The following CENPT variants were observed in gnomAD, a reference collection of about 807,000 sequenced individuals.
The protein encoded by CENPT is centromere protein T.
In CENPT, 42 loss-of-function variants were observed where a neutral mutation model predicts 59.7. The observed-to-expected ratio is 0.70, with a 90% confidence interval of 0.55 to 0.91. The LOEUF (loss-of-function observed/expected upper bound fraction) is 0.91. Ranked by LOEUF, CENPT falls within the 40% of genes least tolerant of loss-of-function variation. The pLI is 0.00. For missense variants in CENPT, 716 were observed against 713.4 expected (o/e 1.00, Z -0.04); for synonymous variants, 295 against 289.6 (o/e 1.02, Z -0.19).
rs998451909 is a variant in CENPT at position 67,830,710 on chromosome 16, G to A, written c.704-162C>T. 7 of 661,220 alleles carry A rather than the reference G, an allele frequency of 1.1e-5. No homozygotes were observed. The Admixed American group carries it at 1.9e-4, about 18-fold the overall frequency. The allele number at this position is 661,220 out of a possible 1,614,324, so 41.0% of individuals were successfully genotyped here. On this transcript the variant is annotated intron_variant, in intron 10 of 15. Transcript: ENST00000562787. ...TGAGTGGCCTTCAGAGAAAGAAGAC[G>A]ACCTAGCACGCGAGGCCTTATCGCC...
rs1424844740 is a variant in CENPT at position 67,843,796 on chromosome 16, C to T, written c.-492+3605G>A. ...TCAGAACCACTGAACTTGAAACTTA[C>T]CCTCTAGGGATGCAGGTGGGATGTC... On this transcript the variant is annotated intron_variant, in intron 1 of 15. Transcript: ENST00000562787. This position sits in a 1 kb window ranked among gnomAD's most constrained non-coding sequence, Gnocchi z 5.7. 1.6e-5 allele frequency: 6 copies of T among 377,834 alleles called. No individual in the cohort carries two copies. The highest frequency in any genetic ancestry group is 3.0e-5 in the Non-Finnish European group (6 of 198,046). The allele number at this position is 377,834 out of a possible 1,614,324, so 23.4% of individuals were successfully genotyped here.
At chr16:67,841,672 C>T (rs950841559) in intron 1 of CENPT, 1 of 152,282 alleles carries the variant, frequency 6.6e-6, no homozygotes, top group Non-Finnish European at 1.5e-5. Flanking sequence ...CCCAGTCGGT[C>T]TGACTCCCGC....
chr16:67,830,354 A>G (rs756958493), intron 11 of CENPT, 36 bp downstream of exon 11: 2 of 1,582,872 alleles, frequency 1.3e-6, no homozygotes, highest in Admixed American at 3.7e-5. Flanking sequence ...CACCCAAGCT[A>G]AATTTGGCTC....
At chr16:67,837,701 AAAACAAACAAAC>A (rs78450482) in intron 1 of CENPT, among the ~76,000 whole-genome samples, 9 of 152,072 alleles carry the variant, frequency 5.9e-5, no homozygotes, top group Non-Finnish European at 8.8e-5. Context: ...CTCCGTCTCA[AAAACAAACAAAC>A]AAACAAACAA....
intron 1 of CENPT, among the ~76,000 whole-genome samples, chr16:67,841,259 T>C (rs2151288831): frequency 6.7e-6 from 1 of 149,774 alleles, no homozygotes; most frequent in Admixed American, 6.6e-5. Flanking sequence ...GGAGGTGTAT[T>C]GTTACAATGC....
At chr16:67,840,054 C>T (rs1323372301) in intron 1 of CENPT, among the ~76,000 whole-genome samples, 1 of 152,174 alleles carries the variant, frequency 6.6e-6, no homozygotes, top group Non-Finnish European at 1.5e-5. Context: ...CGGTGGCTCA[C>T]GCCTGTAATC....
At chr16:67,829,254 GC>G in intron 13 of CENPT, 168 bp downstream of exon 13, 1 of 564,962 alleles carries the variant, frequency 1.8e-6, no homozygotes, top group Non-Finnish European at 3.0e-6. Flanking sequence ...GTGGAGGCAG[GC>G]ACCAGGATGG....
intron 7 of CENPT, 45 bp from the exon 8 acceptor site, chr16:67,831,935 C>T (rs760632199): frequency 6.3e-7 from 1 of 1,594,612 alleles, no homozygotes; most frequent in Non-Finnish European, 8.5e-7. Flanking sequence ...AAGTCCAATT[C>T]TGGCTTTTGC....
chr16:67,840,305 G>A (rs1448291594), intron 1 of CENPT, among the ~76,000 whole-genome samples: 1 of 152,122 alleles, frequency 6.6e-6, no homozygotes, highest in Non-Finnish European at 1.5e-5. Context: ...GCAACAGAGC[G>A]AGACTCCGTC....
At chr16:67,832,140 A>T in intron 6 of CENPT, 32 bp from the exon 7 acceptor site, 1 of 1,607,606 alleles carries the variant, frequency 6.2e-7, no homozygotes, top group Non-Finnish European at 8.5e-7. Context: ...GGTGGGGCTG[A>T]CAGAACAGGC....
At position 67,831,330 on chromosome 16, in the gene CENPT, G is replaced by A; in HGVS notation, c.589C>T (p.Leu197Phe). 1 of 1,614,154 alleles carries A rather than the reference G, an allele frequency of 6.2e-7. No individual in the cohort carries two copies. Among genetic ancestry groups the A allele is most frequent in the Non-Finnish European group, 8.5e-7 (1 of 1,179,994 alleles). The part of the protein sequence containing the change: ...RSLNLTFATP[L>F]QPQSVQRPGL... The stretch of plus-strand genomic sequence containing the variant: ...GGCCTCTGCACTGACTGTGGCTGAA[G>A]AGGTGTGGCAAAGGTCAGGTTGAGG... The change falls in exon 10 of 16, where the codon CTT becomes TTT. Residue 197 changes from leucine (L) to phenylalanine (F), a missense_variant. Transcript: ENST00000562787.
intron 10 of CENPT, 163 bp downstream of exon 10, chr16:67,831,053 C>T (rs770914424): frequency 2.6e-5 from 23 of 871,206 alleles, no homozygotes; most frequent in Non-Finnish European, 4.0e-5. Context: ...AAAGAGGCCC[C>T]CTGTAGAAAG....
chr16:67,834,077 C>T lies in CENPT; in HGVS notation c.-218G>A. On this transcript the variant is annotated 5_prime_UTR_variant, in exon 4 of 16. Transcript: ENST00000562787. The stretch of plus-strand genomic sequence containing the variant: ...TAAACCTCGGTTAATGTAATGCAAG[C>T]AGCCCAAGTCTTGGCTTCTTCATCT... 2.2e-6 allele frequency: 1 copy of T among 456,824 alleles called. No homozygotes were observed. 28.3% of individuals were successfully genotyped at this position (456,824 alleles called of 1,614,324 possible).
chr16:67,828,526 G>A lies in CENPT; in HGVS notation c.1510C>T (p.His504Tyr), dbSNP rs1360803304. 1 of 1,614,214 alleles carries A rather than the reference G, an allele frequency of 6.2e-7. No homozygotes were observed. The highest frequency in any genetic ancestry group is 8.5e-7 in the Non-Finnish European group (1 of 1,180,050). The stretch of plus-strand genomic sequence containing the variant: ...GGCTTCACAGTCTTGCGGCCAGCAT[G>A]AGCAGCAAATACCTCCAGATCATCA... ...LCDDLEVFAA[H>Y]AGRKTVKPED... Residue 504 changes from histidine (H) to tyrosine (Y), a missense_variant, in exon 15 of 16, where the codon CAT becomes TAT. Transcript: ENST00000562787.
rs2057735333 is a variant in CENPT, at chr16:67,836,444, T to TC, written c.-491-787_-491-786insG. ...ATATGGAAAAAAACAAACATCTTTT[T>TC]TTTTTTTTTTGAGATGGAGTCTCGC... is the stretch of plus-strand genomic sequence containing the variant. On this transcript the variant is annotated intron_variant, in intron 1 of 15. Transcript: ENST00000562787. Among the ~76,000 whole-genome samples the TC allele has an allele frequency of 1.3e-5, 2 of 151,430 alleles. 1 individual carries two copies. The highest frequency in any genetic ancestry group is 4.2e-4 in the South Asian group (2 of 4,812).
At position 67,831,908 on chromosome 16, in the gene CENPT, A is replaced by G. The variant is rs572614065; in HGVS notation, c.387-18T>C. The G allele has an allele frequency of 6.2e-7, 1 of 1,608,964 alleles. No homozygotes were observed. Among genetic ancestry groups the G allele is most frequent in the African/African-American group, 1.3e-5 (1 of 74,710 alleles). ...GCTCCAGGCTATAAGAATGGAGCTT[A>G]TCTCAGACAGGCCAGGAAGTCCAAT... On this transcript the variant is annotated intron_variant, in intron 7 of 15. Transcript: ENST00000562787.
intron 15 of CENPT, 30 bp downstream of exon 15, chr16:67,828,444 C>T: frequency 6.2e-7 from 1 of 1,613,936 alleles, no homozygotes; most frequent in Non-Finnish European, 8.5e-7. Flanking sequence ...ACTCCCCCAG[C>T]CAGCACCCCC....
chr16:67,832,000 A>C lies in CENPT; in HGVS notation c.386+12T>G. 1.3e-6 allele frequency: 2 copies of C among 1,592,212 alleles called. No individual in the cohort carries two copies. On this transcript the variant is annotated intron_variant, in intron 7 of 15. Coordinates refer to ENST00000562787, the MANE Select transcript of CENPT (RefSeq NM_025082.4). ...CCCATAGCACAATCCAAGGTGGGGG[A>C]GTTCTGTGTACCTGCCGCAACTGCT... is the stretch of plus-strand genomic sequence containing the variant.
intron 1 of CENPT, among the ~76,000 whole-genome samples, chr16:67,844,698 G>A (rs1390131651): frequency 6.6e-6 from 1 of 152,162 alleles, no homozygotes; most frequent in African/African-American, 2.4e-5. Flanking sequence ...GTACACCTTC[G>A]GTGTGACAGA....
Sources: allele counts gnomAD v4.1 joint callset (sites outside exome capture counted in the v4.1 genomes callset), GRCh38; gene constraint gnomAD v4.1.1; non-coding constraint Gnocchi (gnomAD v3.1); transcripts MANE v1.5; gene names NCBI Gene and HGNC (gene_info 2026-07-23, HGNC 2026-07-21).